Variants in FYB2 observed in about 807,000 individuals in gnomAD.
The protein encoded by FYB2 is FYN-binding protein 2.
In FYB2, 103 loss-of-function variants were observed where a neutral mutation model predicts 94.1. That is an observed-to-expected ratio of 1.09 (90% CI 0.93 to 1.29). The LOEUF (loss-of-function observed/expected upper bound fraction) is 1.29, where lower values mean the gene tolerates loss of function less well. Ranked by LOEUF, FYB2 falls within the 50% of genes most tolerant of loss-of-function variation. FYB2 has a pLI of 0.00. For missense variants in FYB2, 896 were observed against 841.5 expected (o/e 1.06, Z -0.80); for synonymous variants, 293 against 287.9 (o/e 1.02, Z -0.18).
At chr1:56,783,308 T>C (rs1646051176) in intron 4 of FYB2, among the ~76,000 whole-genome samples, 1 of 152,192 alleles carries the variant, frequency 6.6e-6, no homozygotes, top group Non-Finnish European at 1.5e-5. Flanking sequence ...AAGAGGGGTT[T>C]AAATCTATGC....
intron 4 of FYB2, among the ~76,000 whole-genome samples, chr1:56,781,463 C>T (rs1414127602): frequency 2.0e-5 from 3 of 152,276 alleles, no homozygotes; most frequent in East Asian, 1.9e-4. Context: ...AGTTACTTAA[C>T]TTCTCTGTGA....
intron 4 of FYB2, among the ~76,000 whole-genome samples, chr1:56,773,121 G>A (rs1317687280): frequency 6.6e-6 from 1 of 152,088 alleles, no homozygotes; most frequent in African/African-American, 2.4e-5. Context: ...TTCTAATTTT[G>A]TTTGGACTCC....
At chr1:56,780,030 A>G (rs1393367013) in intron 4 of FYB2, among the ~76,000 whole-genome samples, 2 of 152,134 alleles carry the variant, frequency 1.3e-5, no homozygotes, top group African/African-American at 4.8e-5. Flanking sequence ...ATAGGTGGCA[A>G]TTAGTATTGC....
At chr1:56,732,830 A>G (rs28872334) in intron 15 of FYB2, among the ~76,000 whole-genome samples, 20,572 of 151,654 alleles carry the variant, frequency 0.14, 1,675 homozygotes, top group South Asian at 0.26. Context: ...TACAAAAATC[A>G]AACAAAAATA....
At chr1:56,772,493 A>G (rs987062909) in intron 4 of FYB2, among the ~76,000 whole-genome samples, 7 of 152,148 alleles carry the variant, frequency 4.6e-5, no homozygotes, top group Admixed American at 4.6e-4. Flanking sequence ...GATTTCATAC[A>G]ATGTGGATCA....
rs1557655657 is a variant in FYB2, at chr1:56,792,809, G to T, written c.10-6C>A. On this transcript the variant is annotated splice_region_variant and splice_polypyrimidine_tract_variant and intron_variant, in intron 1 of 19. Coordinates refer to ENST00000343433, the MANE Select transcript of FYB2 (RefSeq NM_001004303.5). ...TTGAAGTTTCTTACCCCTTCCTAAG[G>T]CAAAGAATAATCAAACAAACAAACA... is the stretch of plus-strand genomic sequence containing the variant. 6.3e-7 allele frequency: 1 copy of T among 1,593,124 alleles called. No homozygotes were observed. Among genetic ancestry groups the T allele is most frequent in the Non-Finnish European group, 8.5e-7 (1 of 1,169,942 alleles).
chr1:56,824,983 G>A, the FYB2 span: 1 of 152,234 alleles, frequency 6.6e-6, no homozygotes, highest in Non-Finnish European at 1.5e-5. Context: ...CTTGGGAAAG[G>A]AGGTGGCCTG....
At chr1:56,804,204 T>C (rs1238724317) in intron 1 of FYB2, among the ~76,000 whole-genome samples, 6 of 152,220 alleles carry the variant, frequency 3.9e-5, no homozygotes, top group African/African-American at 9.6e-5. Context: ...CTGCCCTATA[T>C]TCCATGAACT....
intron 1 of FYB2, among the ~76,000 whole-genome samples, chr1:56,794,806 C>G (rs1646357216): frequency 6.6e-6 from 1 of 152,130 alleles, no homozygotes; most frequent in Admixed American, 6.5e-5. Flanking sequence ...TGAAACTCCA[C>G]TTATCCATTT....
the FYB2 span, chr1:56,825,132 G>A: frequency 6.6e-6 from 1 of 152,216 alleles, no homozygotes; most frequent in Middle Eastern, 3.2e-3. Flanking sequence ...ATCTATTGCT[G>A]TGGCAGTTAA....
intron 4 of FYB2, among the ~76,000 whole-genome samples, chr1:56,782,480 G>A (rs1012664778): frequency 2.6e-5 from 4 of 151,896 alleles, no homozygotes; most frequent in Non-Finnish European, 5.9e-5. Context: ...GCCTGACACG[G>A]GTCCTAGAGA....
At chr1:56,744,651 T>C (rs1645030760) in intron 9 of FYB2, among the ~76,000 whole-genome samples, 1 of 151,988 alleles carries the variant, frequency 6.6e-6, no homozygotes, top group South Asian at 2.1e-4. Context: ...ATCTAGATGA[T>C]CTTATCCAGT....
intron 1 of FYB2, among the ~76,000 whole-genome samples, chr1:56,810,737 G>C (rs895263168): frequency 6.6e-6 from 1 of 152,182 alleles, no homozygotes; most frequent in Non-Finnish European, 1.5e-5. Flanking sequence ...ATCAGGCACT[G>C]CTGCCTGGAA....
intron 4 of FYB2, among the ~76,000 whole-genome samples, chr1:56,773,450 C>A (rs1645807131): frequency 6.6e-6 from 1 of 152,174 alleles, no homozygotes; most frequent in Non-Finnish European, 1.5e-5. Flanking sequence ...TGCATAGATT[C>A]ATTATATGCA....
chr1:56,788,704 C>T (rs182594169), intron 3 of FYB2, among the ~76,000 whole-genome samples: 1 of 152,300 alleles, frequency 6.6e-6, no homozygotes, highest in East Asian at 1.9e-4. Flanking sequence ...CCCTGCTCAG[C>T]GACTTTCTGT....
chr1:56,762,213 C>T (rs1645513068), intron 5 of FYB2, among the ~76,000 whole-genome samples: 1 of 152,040 alleles, frequency 6.6e-6, no homozygotes. Flanking sequence ...AACTCCTTTG[C>T]CTTTCTATAT....
chr1:56,814,331 A>C (rs1182990072), intron 1 of FYB2, among the ~76,000 whole-genome samples: 1 of 152,218 alleles, frequency 6.6e-6, no homozygotes, highest in African/African-American at 2.4e-5. Context: ...ATCTGGCAGT[A>C]GACTGACATG....
chr1:56,792,983 A>T (rs1056061166), intron 1 of FYB2, among the ~76,000 whole-genome samples, 180 bp from the exon 2 acceptor site: 8 of 152,174 alleles, frequency 5.3e-5, no homozygotes, highest in Admixed American at 3.9e-4. Context: ...AATGTTAGCC[A>T]GCAATGCTAT....
Position 56,738,638 on chromosome 1 carries a change from CAAAATGG to C in FYB2, c.1712_1718del (p.Ser571CysfsTer5). On this transcript the variant is annotated frameshift_variant, in exon 14 of 20. Transcript: ENST00000343433. LOFTEE classifies it high-confidence loss of function. ...AATGGCACTTACCTAAATCAGGCAG[CAAAATGG>C]AAAATGCACTGTTGATTGACAAAAG... The C allele has an allele frequency of 2.5e-6, 4 of 1,610,348 alleles. No homozygotes were observed. The highest frequency in any genetic ancestry group is 3.4e-6 in the Non-Finnish European group (4 of 1,178,090).
Sources: allele counts gnomAD v4.1 joint callset (sites outside exome capture counted in the v4.1 genomes callset), GRCh38; gene constraint gnomAD v4.1.1; transcripts MANE v1.5; gene names NCBI Gene and HGNC (gene_info 2026-07-23, HGNC 2026-07-21).